Variants in TBC1D19 observed in about 807,000 individuals in gnomAD.
TBC1D19 encodes TBC1 domain family, member 19.
Under a neutral mutation model 89.0 loss-of-function variants are expected in TBC1D19, and 60 were observed. The ratio of observed to expected loss-of-function variants is 0.67; its 90% confidence interval spans 0.55 to 0.84. The LOEUF is 0.84. Ranked by LOEUF, TBC1D19 falls within the 40% of genes least tolerant of loss-of-function variation. The probability of loss-of-function intolerance (pLI) is 0.00; values close to 1 mark genes in which losing one functional copy is unlikely to be tolerated. For synonymous variants in TBC1D19, 189 were observed against 199.7 expected (o/e 0.95, Z 0.45); for missense variants, 500 against 610.8 (o/e 0.82, Z 1.91).
intron 5 of TBC1D19, among the ~76,000 whole-genome samples, chr4:26,637,528 G>C (rs1261193519): frequency 6.6e-6 from 1 of 151,928 alleles, no homozygotes; most frequent in Non-Finnish European, 1.5e-5. Flanking sequence ...CCCGCCACCA[G>C]GTCTGGCTAA....
At chr4:26,763,783 T>C in the TBC1D19 span, among the ~76,000 whole-genome samples, 3 of 152,332 alleles carry the variant, frequency 2.0e-5, no homozygotes, top group East Asian at 5.8e-4. Context: ...GAATACAAAC[T>C]TCTGTTCTGG....
the TBC1D19 span, among the ~76,000 whole-genome samples, chr4:26,786,585 G>A: frequency 3.3e-5 from 5 of 152,154 alleles, no homozygotes; most frequent in South Asian, 2.1e-4. Context: ...GGCCAACATC[G>A]GGGGGTGGTG....
intron 13 of TBC1D19, among the ~76,000 whole-genome samples, chr4:26,697,216 A>G (rs1360787090): frequency 6.6e-6 from 1 of 152,228 alleles, no homozygotes; most frequent in Non-Finnish European, 1.5e-5. Flanking sequence ...CCATCAGAGA[A>G]TACTATAAAC....
chr4:26,623,608 T>C (rs1026687536), intron 4 of TBC1D19, among the ~76,000 whole-genome samples: 1 of 152,204 alleles, frequency 6.6e-6, no homozygotes, highest in Non-Finnish European at 1.5e-5. Context: ...TTCTGTGAGA[T>C]CAAACTTAAC....
Position 26,754,962 on chromosome 4 carries a change from A to G in TBC1D19, c.*15A>G. ...CTGTCACCTGATCTTCTTCACAGTC[A>G]CTGGCAACACATCTAGTTTTTCATT... is the stretch of plus-strand genomic sequence containing the variant. On this transcript the variant is annotated 3_prime_UTR_variant, in exon 21 of 21. Transcript: ENST00000264866. The G allele has an allele frequency of 6.3e-7, 1 of 1,591,694 alleles. No homozygotes were observed.
chr4:26,804,267 TC>T, the TBC1D19 span, among the ~76,000 whole-genome samples: 3 of 152,238 alleles, frequency 2.0e-5, no homozygotes, highest in African/African-American at 7.2e-5. Context: ...TGCCTCAGCC[TC>T]CCGAGTAGCT....
rs1240973587 is a variant in TBC1D19 at position 26,659,652 on chromosome 4, G to C, written c.536G>C (p.Arg179Thr). The C allele has an allele frequency of 6.3e-7, 1 of 1,594,594 alleles. No homozygotes were observed. Among genetic ancestry groups the C allele is most frequent in the Non-Finnish European group, 8.6e-7 (1 of 1,166,558 alleles). Residue 179 changes from arginine to threonine, a missense_variant, in exon 8 of 21, where the codon AGG becomes ACG. Arg to Thr is a moderately conservative substitution (Grantham distance 71). Transcript: ENST00000264866. ...GAAAACGGTGATTCTCTTAGTTTCA[G>C]GACTCATTTGGGTTTAATTCAAGTT... ...NYENGDSLSF[R>T]THLGLIQVPL...
chr4:26,839,260 G>T, the TBC1D19 span, among the ~76,000 whole-genome samples: 2 of 151,902 alleles, frequency 1.3e-5, no homozygotes, highest in East Asian at 3.9e-4. Flanking sequence ...TTTTAAAGCG[G>T]CTTTAAAAAA....
intron 15 of TBC1D19, among the ~76,000 whole-genome samples, chr4:26,735,018 ATACACATGTATATATG>A (rs1717926407): frequency 6.6e-6 from 1 of 151,050 alleles, no homozygotes; most frequent in Non-Finnish European, 1.5e-5. Context: ...GTATATGTGT[ATACACATGTATATATG>A]TATATGTGTA....
intron 14 of TBC1D19, 54 bp downstream of exon 14, chr4:26,718,071 A>G: frequency 7.2e-7 from 1 of 1,383,924 alleles, no homozygotes. Flanking sequence ...TCATGCCAAG[A>G]ATATTTGTTT....
At chr4:26,790,372 T>C in the TBC1D19 span, among the ~76,000 whole-genome samples, 1 of 152,152 alleles carries the variant, frequency 6.6e-6, no homozygotes, top group African/African-American at 2.4e-5. Flanking sequence ...TAAAAATAAA[T>C]TTTATTGTGT....
chr4:26,847,047 G>T, the TBC1D19 span, among the ~76,000 whole-genome samples: 1 of 152,116 alleles, frequency 6.6e-6, no homozygotes, highest in African/African-American at 2.4e-5. Flanking sequence ...ACCCATATGT[G>T]AATGACATCC....
At chr4:26,644,786 A>G (rs1743800681) in intron 7 of TBC1D19, among the ~76,000 whole-genome samples, 1 of 152,196 alleles carries the variant, frequency 6.6e-6, no homozygotes, top group Non-Finnish European at 1.5e-5. Context: ...TAACAGGCAA[A>G]CAGAGAGCCA....
At chr4:26,621,824 T>C (rs1335517196) in intron 4 of TBC1D19, among the ~76,000 whole-genome samples, 1 of 151,956 alleles carries the variant, frequency 6.6e-6, no homozygotes, top group Non-Finnish European at 1.5e-5. Flanking sequence ...TTTTTTGTTA[T>C]AAAGATTTGG....
chr4:26,849,552 G>A, the TBC1D19 span, among the ~76,000 whole-genome samples: 14 of 152,196 alleles, frequency 9.2e-5, 1 homozygote, highest in Admixed American at 9.2e-4. Context: ...CATTTTTACT[G>A]TAAATACTTG....
chr4:26,602,728 C>G (rs993377992), intron 1 of TBC1D19, among the ~76,000 whole-genome samples: 3 of 151,808 alleles, frequency 2.0e-5, no homozygotes, highest in African/African-American at 7.3e-5. Context: ...GCGTGAGCCA[C>G]CACGCCCAGC....
intron 13 of TBC1D19, among the ~76,000 whole-genome samples, chr4:26,690,960 A>G (rs1457237444): frequency 1.3e-5 from 2 of 152,228 alleles, no homozygotes; most frequent in Admixed American, 1.3e-4. Flanking sequence ...AAGCTTCTGG[A>G]AAGGATTCAC....
chr4:26,758,471 G>A (rs1264555099), downstream of TBC1D19, among the ~76,000 whole-genome samples: 1 of 152,118 alleles, frequency 6.6e-6, no homozygotes, highest in African/African-American at 2.4e-5. Flanking sequence ...GCATCCCCAG[G>A]ACCTCTGGGT....
intron 4 of TBC1D19, among the ~76,000 whole-genome samples, chr4:26,632,104 T>A (rs796842096): frequency 1.3e-5 from 2 of 152,092 alleles, no homozygotes; most frequent in South Asian, 4.1e-4. Flanking sequence ...ATTCCAAAAG[T>A]TATCTTTCTA....
Sources: allele counts gnomAD v4.1 joint callset (sites outside exome capture counted in the v4.1 genomes callset), GRCh38; gene constraint gnomAD v4.1.1; transcripts MANE v1.5; gene names NCBI Gene and HGNC (gene_info 2026-07-23, HGNC 2026-07-21).